Variants in SLC16A12 observed in about 807,000 individuals in gnomAD.
SLC16A12 encodes solute carrier family 16 member 12.
In SLC16A12, 17 loss-of-function variants were observed where a neutral mutation model predicts 42.4. That is an observed-to-expected ratio of 0.40 (90% CI 0.27 to 0.60). The LOEUF (loss-of-function observed/expected upper bound fraction) is 0.60, where lower values mean the gene tolerates loss of function less well. Among genes scored for constraint, SLC16A12 ranks in the 20% least tolerant of loss-of-function variants. SLC16A12 has a pLI of 0.42. For missense variants in SLC16A12, 544 were observed against 623.0 expected, an observed-to-expected ratio of 0.87 and a Z score of 1.35; for synonymous variants, 224 against 229.4, an observed-to-expected ratio of 0.98 and a Z score of 0.21.
At chr10:89,515,870 A>C (rs1033409381) in intron 2 of SLC16A12, among the ~76,000 whole-genome samples, 1 of 152,200 alleles carries the variant, frequency 6.6e-6, no homozygotes, top group Admixed American at 6.5e-5. Context: ...TTTCATTTTC[A>C]ATTAAATAGC....
chr10:89,495,966 C>G (rs1290608191), intron 2 of SLC16A12, among the ~76,000 whole-genome samples: 1 of 152,212 alleles, frequency 6.6e-6, no homozygotes, highest in Non-Finnish European at 1.5e-5. Context: ...CTACATGCAA[C>G]TGGCCAATCC....
At chr10:89,445,751 T>C (rs1472138010) in intron 3 of SLC16A12, among the ~76,000 whole-genome samples, 1 of 152,210 alleles carries the variant, frequency 6.6e-6, no homozygotes, top group African/African-American at 2.4e-5. Flanking sequence ...GGACGGATAA[T>C]GACTTTGACA....
intron 2 of SLC16A12, among the ~76,000 whole-genome samples, chr10:89,486,601 AAAAAAGAAAGAAAGAAAG>A (rs1564585746): frequency 4.6e-5 from 6 of 130,886 alleles, no homozygotes; most frequent in Admixed American, 1.6e-4. Flanking sequence ...CAAAAAAAAA[AAAAAAGAAAGAAAGAAAG>A]AAAGAAAGAA....
In SLC16A12 at chr10:89,441,130, G is replaced by A. The variant is rs1472361395; in HGVS notation, c.426C>T (p.Tyr142=). 4 of 1,613,792 alleles carry A rather than the reference G, an allele frequency of 2.5e-6. No individual in the cohort carries two copies. The highest frequency in any genetic ancestry group is 3.3e-4 in the Middle Eastern group (2 of 6,078). ...SSFATSLKHL[Y]LTLGVLTGLG... ...TACCTGTAAGAACTCCCAGAGTGAG[G>A]TAGAGATGCTTCAGACTCGTGGCAA... The change falls in exon 5 of 8, where the codon TAC becomes TAT. Residue 142 remains tyrosine (Y), a synonymous_variant. Coordinates refer to ENST00000371790, the MANE Select transcript of SLC16A12 (RefSeq NM_213606.4).
Position 89,432,796 on chromosome 10 carries a change from C to T in SLC16A12, c.*268G>A, listed in dbSNP as rs570151879. The T allele has an allele frequency of 2.4e-6, 1 of 411,106 alleles. No homozygotes were observed. The highest frequency in any genetic ancestry group is 3.9e-5 in the Admixed American group (1 of 25,434). 25.5% of individuals were successfully genotyped at this position (411,106 alleles called of 1,614,324 possible). The stretch of plus-strand genomic sequence containing the variant: ...TTACAGCTAATTATATCAGCTGTGT[C>T]CTTACATTTCTTACAGAGCTATGCC... On this transcript the variant is annotated 3_prime_UTR_variant, in exon 8 of 8. Coordinates refer to ENST00000371790, the MANE Select transcript of SLC16A12 (RefSeq NM_213606.4).
At chr10:89,440,032 C>T (rs988264086) in intron 5 of SLC16A12, among the ~76,000 whole-genome samples, 7 of 135,420 alleles carry the variant, frequency 5.2e-5, no homozygotes, top group Non-Finnish European at 7.6e-5. Context: ...GATTGCGCCA[C>T]TGCACTCCAG....
intron 2 of SLC16A12, among the ~76,000 whole-genome samples, chr10:89,518,151 T>C (rs951887992): frequency 2.0e-5 from 3 of 152,298 alleles, no homozygotes; most frequent in African/African-American, 7.2e-5. Context: ...CAAGAGGCAG[T>C]CCCTGGGCCT....
At chr10:89,477,564 C>CAAAAAAA (rs34204051) in intron 2 of SLC16A12, among the ~76,000 whole-genome samples, 3 of 49,250 alleles carry the variant, frequency 6.1e-5, no homozygotes, top group Admixed American at 2.3e-4. Context: ...AACTCTGTCT[C>CAAAAAAA]AAAAAAAAAA....
intron 3 of SLC16A12, among the ~76,000 whole-genome samples, chr10:89,458,486 A>G (rs941507460): frequency 2.6e-5 from 4 of 152,188 alleles, no homozygotes; most frequent in South Asian, 2.1e-4. Flanking sequence ...TAGTTATCCA[A>G]TTGAAAGATT....
At chr10:89,440,052 C>G (rs1411665435) in intron 5 of SLC16A12, among the ~76,000 whole-genome samples, 1 of 122,476 alleles carries the variant, frequency 8.2e-6, no homozygotes, top group Admixed American at 1.1e-4. Flanking sequence ...GCCTGAGGAC[C>G]GAGCCAGATA....
chr10:89,456,129 C>A (rs1842185410), intron 3 of SLC16A12: 2 of 152,174 alleles, frequency 1.3e-5, no homozygotes, highest in Admixed American at 6.6e-5. Flanking sequence ...AGCCTAGTGG[C>A]TAAAAGTCCT....
chr10:89,499,339 G>A (rs1472563010), intron 2 of SLC16A12, among the ~76,000 whole-genome samples: 1 of 152,206 alleles, frequency 6.6e-6, no homozygotes, highest in Non-Finnish European at 1.5e-5. Context: ...TGGATCACCT[G>A]AGGTCAGGAG....
At chr10:89,544,921 T>G (rs1313735776) in intron 2 of SLC16A12, among the ~76,000 whole-genome samples, 1 of 152,184 alleles carries the variant, frequency 6.6e-6, no homozygotes. Context: ...ACCAGGCCTA[T>G]CTCCATACTC....
At chr10:89,515,686 G>A (rs1254114463) in intron 2 of SLC16A12, among the ~76,000 whole-genome samples, 2 of 152,124 alleles carry the variant, frequency 1.3e-5, no homozygotes, top group Non-Finnish European at 1.5e-5. Flanking sequence ...AGCCCTGCTT[G>A]TGTTGCCCAA....
intron 2 of SLC16A12, among the ~76,000 whole-genome samples, chr10:89,508,307 A>G (rs1165520546): frequency 6.6e-6 from 1 of 152,200 alleles, no homozygotes; most frequent in African/African-American, 2.4e-5. Context: ...CTTATTCCAA[A>G]ATTGACCACA....
chr10:89,462,920 G>A (rs912691910), intron 2 of SLC16A12: 10 of 232,070 alleles, frequency 4.3e-5, no homozygotes, highest in Non-Finnish European at 7.5e-5. Context: ...AAAGGGATGT[G>A]AGCAGAAGTC....
intron 2 of SLC16A12, among the ~76,000 whole-genome samples, chr10:89,477,248 T>G (rs1842595342): frequency 6.6e-6 from 1 of 152,200 alleles, no homozygotes; most frequent in South Asian, 2.1e-4. Context: ...ATTCTTTGCA[T>G]GTGAGTACAG....
At chr10:89,533,240 T>C (rs562153804) in intron 2 of SLC16A12, among the ~76,000 whole-genome samples, 19 of 152,070 alleles carry the variant, frequency 1.2e-4, no homozygotes, top group Admixed American at 9.8e-4. Context: ...GGATCACTTA[T>C]GTTTATTTTC....
At chr10:89,462,038 C>G (rs915043698) in intron 3 of SLC16A12, among the ~76,000 whole-genome samples, 3 of 152,130 alleles carry the variant, frequency 2.0e-5, no homozygotes, top group Non-Finnish European at 4.4e-5. Flanking sequence ...CTACAAATGT[C>G]CTAAGACTCC....
Sources: allele counts gnomAD v4.1 joint callset (sites outside exome capture counted in the v4.1 genomes callset), GRCh38; gene constraint gnomAD v4.1.1; transcripts MANE v1.5; gene names NCBI Gene and HGNC (gene_info 2026-07-23, HGNC 2026-07-21).